The following NEBL variants were observed in gnomAD, a reference collection of about 807,000 sequenced individuals.
NEBL encodes the protein nebulette.
Under a neutral mutation model 140.2 loss-of-function variants are expected in NEBL, and 122 were observed. That is an observed-to-expected ratio of 0.87 (90% CI 0.75 to 1.01). NEBL has a LOEUF of 1.01. Among genes scored for constraint, NEBL ranks in the 50% least tolerant of loss-of-function variants. The pLI is 0.00. For missense variants in NEBL, 1,365 were observed against 1,231.3 expected (o/e 1.11, Z -1.62); for synonymous variants, 436 against 398.9 (o/e 1.09, Z -1.11).
chr10:21,053,954 A>G (rs893585073), intron 2 of NEBL, among the ~76,000 whole-genome samples: 4 of 152,104 alleles, frequency 2.6e-5, no homozygotes, highest in African/African-American at 9.7e-5. Context: ...AATCACTTGA[A>G]CCTGGGAGGT....
rs1431208558 is a variant in NEBL, at chr10:20,840,853, TGA to T, written c.1228-6_1228-5del. 1 of 1,497,940 alleles carries T rather than the reference TGA, an allele frequency of 6.7e-7. No individual in the cohort carries two copies. The highest frequency in any genetic ancestry group is 1.7e-5 in the Admixed American group (1 of 59,294). 92.8% of individuals were successfully genotyped at this position (1,497,940 alleles called of 1,614,324 possible). A position where few individuals can be genotyped will look rare whatever the true frequency, so the allele number is the denominator to read the frequency against. The stretch of plus-strand genomic sequence containing the variant: ...CCAAATCTTTTTTATATTCTTTCTA[TGA>T]GACAAGAATATCACAGTTCAAAACT... On this transcript the variant is annotated splice_region_variant and splice_polypyrimidine_tract_variant and intron_variant, in intron 12 of 27. Coordinates refer to ENST00000377122, the MANE Select transcript of NEBL (RefSeq NM_006393.3).
In NEBL at chr10:21,004,209, T is replaced by C. The variant is rs182726011; in HGVS notation, c.249+15908A>G. ...TGCAGTGGATATTTGGTAACAACAGTGTTGTTTGAAGAAGTTTCTTCTTCA... is the reference window on the plus strand; with the variant it reads ...TGCAGTGGATATTTGGTAACAACAGCGTTGTTTGAAGAAGTTTCTTCTTCA... On this transcript the variant is annotated intron_variant, in intron 3 of 6. Coordinates refer to the NEBL transcript ENST00000417816. 2.0e-3 allele frequency among the ~76,000 whole-genome samples: 306 copies of C among 152,330 alleles called. 1 individual carries two copies. The highest frequency in any genetic ancestry group is 6.9e-3 in the African/African-American group (286 of 41,578).
At chr10:20,892,045 G>T (rs1270055142) in intron 2 of NEBL, among the ~76,000 whole-genome samples, 1 of 152,192 alleles carries the variant, frequency 6.6e-6, no homozygotes, top group Non-Finnish European at 1.5e-5. Flanking sequence ...TTACAGCCAT[G>T]TCTACATCTT....
At chr10:21,287,825 G>T (rs1363074280) in intron 1 of NEBL, among the ~76,000 whole-genome samples, 1 of 151,862 alleles carries the variant, frequency 6.6e-6, no homozygotes, top group Non-Finnish European at 1.5e-5. Flanking sequence ...AGAAGAGATG[G>T]AAAAAGGGTA....
intron 4 of NEBL, among the ~76,000 whole-genome samples, chr10:20,925,368 T>C (rs10828152): frequency 0.49 from 73,702 of 151,962 alleles, 18,913 homozygotes; most frequent in Non-Finnish European, 0.56. Flanking sequence ...CTAGGAATAC[T>C]CTGAAACAGC....
chr10:21,021,009 C>T (rs1838768864), intron 2 of NEBL, among the ~76,000 whole-genome samples: 2 of 152,184 alleles, frequency 1.3e-5, no homozygotes, highest in Non-Finnish European at 2.9e-5. Flanking sequence ...GTCCAAAACA[C>T]AGCTGTTCAT....
chr10:20,955,665 A>G (rs1401380132), intron 4 of NEBL, among the ~76,000 whole-genome samples: 1 of 152,148 alleles, frequency 6.6e-6, no homozygotes, highest in Non-Finnish European at 1.5e-5. Context: ...CATGGAAAGT[A>G]TTTTAGTGGG....
Position 21,185,557 on chromosome 10 carries a change from G to A in NEBL, n.349-13080C>T, listed in dbSNP as rs551317536. Among the ~76,000 whole-genome samples, 6 of 131,972 alleles carry A rather than the reference G, an allele frequency of 4.5e-5. No individual in the cohort carries two copies. The South Asian group carries it at 1.5e-3, about 33-fold the overall frequency. 86.6% of individuals were successfully genotyped at this position (131,972 alleles called of 152,430 possible). On this transcript the variant is annotated intron_variant and non_coding_transcript_variant, in intron 3 of 8. Transcript: ENST00000675702. ...CTGTCGCCCAGGTTGGAGTGCAGTG[G>A]CATGATCTCAGCTCACCACAACCCT...
At chr10:21,153,789 C>T (rs1213598146) in intron 2 of NEBL, among the ~76,000 whole-genome samples, 1 of 152,118 alleles carries the variant, frequency 6.6e-6, no homozygotes, top group Non-Finnish European at 1.5e-5. Flanking sequence ...GCTGGGGTTA[C>T]AGGCGTGAGC....
rs954578821 is a variant in NEBL, at chr10:21,205,555, A to C, written n.349-33078T>G. On this transcript the variant is annotated intron_variant and non_coding_transcript_variant, in intron 3 of 8. Transcript: ENST00000675702. Reference sequence around the variant, plus strand: ...AAGCAAAAAAACAAATTACAGAACAATATAGATCCCATTTTTGTAAGAAGA... The same window carrying C: ...AAGCAAAAAAACAAATTACAGAACACTATAGATCCCATTTTTGTAAGAAGA... Among the ~76,000 whole-genome samples the C allele has an allele frequency of 3.9e-5, 6 of 152,188 alleles. No individual in the cohort carries two copies. In the South Asian group the frequency reaches 1.2e-3, roughly 31 times the overall value.
intron 1 of NEBL, among the ~76,000 whole-genome samples, chr10:21,258,593 T>G (rs1042341331): frequency 3.2e-4 from 49 of 151,626 alleles, no homozygotes; most frequent in Admixed American, 2.6e-4. Context: ...TAATCCCAGC[T>G]ACTCAGGAGG....
chr10:21,184,760 G>T (rs761774763), intron 3 of NEBL, among the ~76,000 whole-genome samples: 7 of 152,114 alleles, frequency 4.6e-5, no homozygotes, highest in Non-Finnish European at 5.9e-5. Flanking sequence ...ATAAGAAGAT[G>T]TTTCTGATAC....
At chr10:20,794,269 C>T (rs989206413) in intron 26 of NEBL, among the ~76,000 whole-genome samples, 2 of 152,170 alleles carry the variant, frequency 1.3e-5, no homozygotes, top group African/African-American at 4.8e-5. Flanking sequence ...AATCAAAAAT[C>T]CTCTCTCAAG....
At chr10:20,985,263 C>T (rs1837211518) in intron 3 of NEBL, among the ~76,000 whole-genome samples, 1 of 152,164 alleles carries the variant, frequency 6.6e-6, no homozygotes, top group Admixed American at 6.5e-5. Flanking sequence ...AAATGCCCCA[C>T]ATCTGTAATG....
chr10:21,076,421 G>A (rs1337782047), intron 2 of NEBL, among the ~76,000 whole-genome samples: 1 of 130,832 alleles, frequency 7.6e-6, no homozygotes, highest in East Asian at 2.4e-4. Flanking sequence ...CTCCAGTCTG[G>A]GCAACAGAGA....
intron 14 of NEBL, among the ~76,000 whole-genome samples, chr10:20,831,919 T>C (rs1840456603): frequency 6.6e-6 from 1 of 152,172 alleles, no homozygotes; most frequent in African/African-American, 2.4e-5. Context: ...CAAGAGTGAT[T>C]GTAAAATTGC....
chr10:21,207,399 G>A (rs1841844511), intron 3 of NEBL, among the ~76,000 whole-genome samples: 1 of 152,164 alleles, frequency 6.6e-6, no homozygotes, highest in Admixed American at 6.5e-5. Context: ...CCTGATTAAT[G>A]CTTAATTATA....
intron 3 of NEBL, among the ~76,000 whole-genome samples, chr10:20,888,805 A>T (rs1163869976): frequency 6.6e-6 from 1 of 152,216 alleles, no homozygotes; most frequent in African/African-American, 2.4e-5. Flanking sequence ...TCTGCAATTA[A>T]CTCCTTCAGG....
chr10:21,206,039 C>T (rs186494936), intron 3 of NEBL, among the ~76,000 whole-genome samples: 1 of 152,274 alleles, frequency 6.6e-6, no homozygotes, highest in Non-Finnish European at 1.5e-5. Context: ...GGAATTCACT[C>T]AGTACTAAAA....
Sources: allele counts gnomAD v4.1 joint callset (sites outside exome capture counted in the v4.1 genomes callset), GRCh38; gene constraint gnomAD v4.1.1; transcripts MANE v1.5; gene names NCBI Gene and HGNC (gene_info 2026-07-23, HGNC 2026-07-21).